MYRIP: variants seen among roughly 807,000 people sequenced by gnomAD.
MYRIP encodes rab effector MyRIP.
In MYRIP, 49 loss-of-function variants were observed where a neutral mutation model predicts 98.0. The ratio of observed to expected loss-of-function variants is 0.50; its 90% confidence interval spans 0.40 to 0.63. The LOEUF is 0.63. Among genes scored for constraint, MYRIP ranks in the 30% least tolerant of loss-of-function variants. The pLI, the probability that MYRIP is intolerant of heterozygous loss-of-function variation, is 0.00. For synonymous variants in MYRIP, 404 were observed against 409.5 expected (o/e 0.99, Z 0.16); for missense variants, 1,004 against 1,058.2 (o/e 0.95, Z 0.71).
chr3:40,151,423 A>G (rs1950117557), intron 4 of MYRIP, among the ~76,000 whole-genome samples: 1 of 152,238 alleles, frequency 6.6e-6, no homozygotes, highest in Non-Finnish European at 1.5e-5. Context: ...TATGAAGACC[A>G]AGTACTTCTA....
chr3:39,926,881 T>A (rs1179206382), intron 2 of MYRIP, among the ~76,000 whole-genome samples: 2 of 152,120 alleles, frequency 1.3e-5, no homozygotes, highest in African/African-American at 4.8e-5. Context: ...ATTGGTAGTT[T>A]GATAGGAGTA....
At chr3:39,968,295 C>T (rs1018649414) in intron 2 of MYRIP, among the ~76,000 whole-genome samples, 2 of 152,020 alleles carry the variant, frequency 1.3e-5, no homozygotes, top group Non-Finnish European at 2.9e-5. Flanking sequence ...GCCTCAGCCT[C>T]CCAAGTAGCT....
At chr3:40,102,126 A>G (rs1948956505) in intron 3 of MYRIP, among the ~76,000 whole-genome samples, 1 of 152,208 alleles carries the variant, frequency 6.6e-6, no homozygotes, top group African/African-American at 2.4e-5. Context: ...AGCACTCACT[A>G]ATATGTTTCC....
At chr3:40,190,707 G>C (rs1484927167) in intron 10 of MYRIP, among the ~76,000 whole-genome samples, 1 of 152,174 alleles carries the variant, frequency 6.6e-6, no homozygotes, top group African/African-American at 2.4e-5. Flanking sequence ...CCCCAGACCA[G>C]CAGCATCAGC....
intron 1 of MYRIP, among the ~76,000 whole-genome samples, chr3:39,898,977 C>T (rs1450018417): frequency 6.6e-6 from 1 of 152,124 alleles, no homozygotes; most frequent in African/African-American, 2.4e-5. Flanking sequence ...GTATGCATGA[C>T]TTCAACCTTT....
At chr3:40,257,485 ACT>A (rs1314331777) in intron 16 of MYRIP, among the ~76,000 whole-genome samples, 2 of 152,150 alleles carry the variant, frequency 1.3e-5, no homozygotes, top group Non-Finnish European at 2.9e-5. Flanking sequence ...GATATAAATA[ACT>A]CTCATATGCT....
chr3:40,190,252 C>T lies in MYRIP; in HGVS notation c.1454C>T (p.Ala485Val), dbSNP rs756264741. The T allele has an allele frequency of 6.2e-7, 1 of 1,614,080 alleles. No individual in the cohort carries two copies. The highest frequency in any genetic ancestry group is 8.5e-7 in the Non-Finnish European group (1 of 1,180,012). ...LQRKAPRNPA[A>V]EKMRLHGELD... The stretch of plus-strand genomic sequence containing the variant: ...AGGAAGGCCCCCAGGAACCCTGCAG[C>T]TGAGAAGATGCGCTTGCATGGAGAG... Residue 485 changes from alanine (A) to valine (V), a missense_variant, in exon 10 of 17, where the codon GCT becomes GTT. Transcript: ENST00000302541.
At chr3:39,928,527 TA>T (rs1381108670) in intron 2 of MYRIP, among the ~76,000 whole-genome samples, 1 of 151,626 alleles carries the variant, frequency 6.6e-6, no homozygotes, top group Non-Finnish European at 1.5e-5. Context: ...GGTTCAGTTT[TA>T]AAAAAACAAT....
At chr3:40,205,574 T>C (rs1951769794) in intron 10 of MYRIP, among the ~76,000 whole-genome samples, 1 of 152,162 alleles carries the variant, frequency 6.6e-6, no homozygotes, top group African/African-American at 2.4e-5. Context: ...ACTTAAAATG[T>C]TTTGTACCCA....
intron 2 of MYRIP, among the ~76,000 whole-genome samples, chr3:40,022,357 G>C (rs1236257373): frequency 6.6e-6 from 1 of 152,212 alleles, no homozygotes; most frequent in African/African-American, 2.4e-5. Flanking sequence ...CAGAACTAGA[G>C]ACTTGGTAGA....
chr3:40,026,066 A>C (rs971205771), intron 2 of MYRIP, among the ~76,000 whole-genome samples: 3 of 152,144 alleles, frequency 2.0e-5, no homozygotes, highest in Non-Finnish European at 4.4e-5. Context: ...ACGGTAATGC[A>C]GGAGACCAGA....
chr3:39,883,592 A>G (rs1475028056), intron 1 of MYRIP, among the ~76,000 whole-genome samples: 2 of 152,116 alleles, frequency 1.3e-5, no homozygotes, highest in Admixed American at 6.6e-5. Flanking sequence ...AAAGCAGAAA[A>G]TGTATCATAT....
At chr3:39,972,404 G>A (rs1011392046) in intron 2 of MYRIP, among the ~76,000 whole-genome samples, 2 of 152,106 alleles carry the variant, frequency 1.3e-5, no homozygotes, top group African/African-American at 4.8e-5. Flanking sequence ...CACCATATAA[G>A]CAGAGGGATA....
intron 3 of MYRIP, among the ~76,000 whole-genome samples, chr3:40,098,740 T>TTGTGTGTG (rs3063561): frequency 0.14 from 18,787 of 135,006 alleles, 1,454 homozygotes; most frequent in East Asian, 0.19. Flanking sequence ...GTCTCTCTCA[T>TTGTGTGTG]TGTGTGTGTG....
At chr3:39,908,124 T>C (rs767347769) in intron 2 of MYRIP, among the ~76,000 whole-genome samples, 2 of 152,308 alleles carry the variant, frequency 1.3e-5, no homozygotes, top group African/African-American at 4.8e-5. Flanking sequence ...GGACTTGGTC[T>C]GTGGAGTAGC....
At chr3:39,880,992 CTT>C (rs1943144008) in intron 1 of MYRIP, among the ~76,000 whole-genome samples, 1 of 151,978 alleles carries the variant, frequency 6.6e-6, no homozygotes, top group Non-Finnish European at 1.5e-5. Context: ...ACTATTTTCT[CTT>C]TGTTTGTTTT....
chr3:39,976,252 C>A (rs1161678517), intron 2 of MYRIP, among the ~76,000 whole-genome samples: 3 of 152,182 alleles, frequency 2.0e-5, no homozygotes, highest in Non-Finnish European at 4.4e-5. Context: ...ACAGACACTT[C>A]TCAAAAGAAG....
intron 8 of MYRIP, among the ~76,000 whole-genome samples, chr3:40,180,669 G>A (rs962589900): frequency 1.3e-5 from 2 of 152,222 alleles, no homozygotes; most frequent in African/African-American, 4.8e-5. Flanking sequence ...AGGCAGGTCT[G>A]GAGGCCCATC....
intron 16 of MYRIP, among the ~76,000 whole-genome samples, chr3:40,255,981 G>C (rs1235622073): frequency 4.6e-5 from 7 of 152,136 alleles, no homozygotes; most frequent in Non-Finnish European, 7.3e-5. Context: ...ACATAATCTA[G>C]GGCAGTGCTG....
Sources: allele counts gnomAD v4.1 joint callset (sites outside exome capture counted in the v4.1 genomes callset), GRCh38; gene constraint gnomAD v4.1.1; transcripts MANE v1.5; gene names NCBI Gene and HGNC (gene_info 2026-07-23, HGNC 2026-07-21).